Variants in IGSF11 observed in about 807,000 individuals in gnomAD.
IGSF11 encodes immunoglobulin superfamily member 11.
In IGSF11, 22 loss-of-function variants were observed where a neutral mutation model predicts 41.0. That is an observed-to-expected ratio of 0.54 (90% CI 0.38 to 0.77). IGSF11 has a LOEUF of 0.77. Among genes scored for constraint, IGSF11 ranks in the 30% least tolerant of loss-of-function variants. The pLI, the probability that IGSF11 is intolerant of heterozygous loss-of-function variation, is 0.00. For missense variants in IGSF11, 444 were observed against 530.8 expected, an observed-to-expected ratio of 0.84 and a Z score of 1.61; for synonymous variants, 219 against 201.3, an observed-to-expected ratio of 1.09 and a Z score of -0.74.
chr3:118,978,237 CCTG>C (rs996181533), intron 1 of IGSF11, among the ~76,000 whole-genome samples: 1 of 152,168 alleles, frequency 6.6e-6, no homozygotes, highest in African/African-American at 2.4e-5. Context: ...GTCCACTCAA[CCTG>C]CTATTACCAC....
intron 1 of IGSF11, among the ~76,000 whole-genome samples, chr3:119,118,579 T>G (rs796368471): frequency 2.6e-5 from 4 of 152,366 alleles, no homozygotes; most frequent in African/African-American, 9.6e-5. Flanking sequence ...GTCTCTGACA[T>G]GCCCTGGAGA....
chr3:118,905,020 TA>T (rs1939401606), intron 5 of IGSF11, among the ~76,000 whole-genome samples: 1 of 152,148 alleles, frequency 6.6e-6, no homozygotes, highest in East Asian at 1.9e-4. Flanking sequence ...TTTGAATGAA[TA>T]AACAATTAAA....
chr3:119,003,977 T>A (rs1315046060), intron 1 of IGSF11, among the ~76,000 whole-genome samples: 1 of 151,680 alleles, frequency 6.6e-6, no homozygotes, highest in Admixed American at 6.6e-5. Flanking sequence ...GTTGGCCTCA[T>A]AAAATGAGTT....
rs533218790 is a variant in IGSF11, at chr3:118,980,332, C to A, written c.53-50057G>T. Among the ~76,000 whole-genome samples the A allele has an allele frequency of 6.0e-4, 92 of 152,282 alleles. 1 individual carries two copies. In the South Asian group the frequency reaches 0.018, roughly 31 times the overall value. On this transcript the variant is annotated intron_variant, in intron 1 of 6. Coordinates refer to ENST00000393775, the MANE Select transcript of IGSF11 (RefSeq NM_001015887.3). ...TATTTTATATTTATACAATGGAAAT[C>A]TATTGACCATAAAAACAAAGGAAAT...
intron 1 of IGSF11, among the ~76,000 whole-genome samples, chr3:119,004,446 G>T (rs1373236195): frequency 6.6e-6 from 1 of 151,552 alleles, no homozygotes; most frequent in African/African-American, 2.4e-5. Flanking sequence ...GAAGGGTTTT[G>T]TGTGTCACTA....
intron 1 of IGSF11, among the ~76,000 whole-genome samples, chr3:118,976,560 C>A (rs957371853): frequency 6.6e-6 from 1 of 152,116 alleles, no homozygotes; most frequent in Non-Finnish European, 1.5e-5. Context: ...GCTGCTACAG[C>A]GAGTACAGGA....
intron 1 of IGSF11, chr3:118,943,170 C>T (rs1943838048): frequency 6.6e-6 from 1 of 152,162 alleles, no homozygotes; most frequent in Non-Finnish European, 1.5e-5. Flanking sequence ...GAGGGGTCCT[C>T]CCAGCATTGT....
intron 1 of IGSF11, among the ~76,000 whole-genome samples, chr3:119,092,084 T>C (rs931267691): frequency 4.0e-5 from 6 of 151,602 alleles, no homozygotes; most frequent in African/African-American, 1.5e-4. Context: ...CAATCTCGGC[T>C]CACTGAAACC....
At position 119,034,735 on chromosome 3, in the gene IGSF11, C is replaced by T. The variant is rs1476655467; in HGVS notation, c.-153G>A. 1.5e-6 allele frequency: 2 copies of T among 1,339,730 alleles called. No individual in the cohort carries two copies. Among genetic ancestry groups the T allele is most frequent in the African/African-American group, 3.1e-5 (2 of 65,314 alleles). 83.0% of individuals were successfully genotyped at this position (1,339,730 alleles called of 1,614,324 possible). On this transcript the variant is annotated 5_prime_UTR_variant, in exon 1 of 7. Coordinates refer to ENST00000393775, the MANE Select transcript of IGSF11 (RefSeq NM_001015887.3). ...CCCGCGCAGAGCTGGGACTGTCAGA[C>T]CCACAGACGAGCCAAGTGCAGCTGC...
intron 1 of IGSF11, among the ~76,000 whole-genome samples, chr3:118,995,728 C>A (rs981873438): frequency 1.3e-5 from 2 of 152,268 alleles, no homozygotes; most frequent in East Asian, 3.9e-4. Flanking sequence ...TCTCAGCTCA[C>A]TGAAACCTCC....
intron 1 of IGSF11, among the ~76,000 whole-genome samples, chr3:118,983,007 G>T (rs937067039): frequency 1.3e-5 from 2 of 152,136 alleles, no homozygotes; most frequent in African/African-American, 2.4e-5. Flanking sequence ...AGTCATAAAT[G>T]ACACATATCA....
intron 1 of IGSF11, among the ~76,000 whole-genome samples, chr3:119,021,841 T>C (rs1279018010): frequency 6.6e-6 from 1 of 152,068 alleles, no homozygotes; most frequent in East Asian, 1.9e-4. Context: ...ATGAATCAAT[T>C]AAGAACTTCT....
At chr3:118,910,490 T>C (rs1177523240) in intron 4 of IGSF11, among the ~76,000 whole-genome samples, 1 of 152,222 alleles carries the variant, frequency 6.6e-6, no homozygotes, top group African/African-American at 2.4e-5. Flanking sequence ...GTTCAGGTCC[T>C]TGTCATTTCT....
chr3:119,101,808 A>G (rs1334762841), intron 1 of IGSF11, among the ~76,000 whole-genome samples: 1 of 152,218 alleles, frequency 6.6e-6, no homozygotes. Context: ...GACGGTATCT[A>G]TTGACTCCAC....
rs867889503 is a variant in IGSF11, at chr3:118,926,164, G to A, written c.517C>T (p.Arg173Ter). 2.5e-6 allele frequency: 4 copies of A among 1,612,212 alleles called. No homozygotes were observed. Among genetic ancestry groups the A allele is most frequent in the South Asian group, 1.1e-5 (1 of 90,800 alleles). The change falls in exon 4 of 7, where the codon CGA becomes TGA. Residue 173 changes from arginine to a stop codon, truncating the protein, a stop_gained. Coordinates refer to ENST00000393775, the MANE Select transcript of IGSF11 (RefSeq NM_001015887.3). LOFTEE classifies it high-confidence loss of function. ...AACTTCTCCCAAAGGTAAGTTGGTC[G>A]AGGAATGCCTTCCTCTGAGCTACAG... ...LLCSSEEGIPRPTYLWEKLDN... is the reference protein window; with the variant it reads ...LLCSSEEGIP
chr3:119,057,245 T>C (rs573746990), intron 1 of IGSF11, among the ~76,000 whole-genome samples: 1 of 152,210 alleles, frequency 6.6e-6, no homozygotes, highest in Non-Finnish European at 1.5e-5. Flanking sequence ...GCCCAAAATC[T>C]CCTTAAGCTC....
chr3:119,111,862 A>G (rs1015227254), intron 1 of IGSF11, among the ~76,000 whole-genome samples: 1 of 152,122 alleles, frequency 6.6e-6, no homozygotes, highest in African/African-American at 2.4e-5. Context: ...TCCACTCCAG[A>G]CCCTGTTTGC....
intron 1 of IGSF11, among the ~76,000 whole-genome samples, chr3:118,936,485 C>T (rs58521606): frequency 0.18 from 25,666 of 145,412 alleles, 3,213 homozygotes; most frequent in African/African-American, 0.36. Context: ...CCAACCTGGG[C>T]GACAAAGTGA....
intron 1 of IGSF11, among the ~76,000 whole-genome samples, chr3:119,045,754 T>A (rs1477874752): frequency 6.6e-6 from 1 of 151,868 alleles, no homozygotes; most frequent in Non-Finnish European, 1.5e-5. Context: ...GTCTGACAGC[T>A]TTGAAGAGAG....
Sources: gnomAD v4.1 joint callset for allele counts (sites outside exome capture counted in the v4.1 genomes callset) on GRCh38, gnomAD v4.1.1 for gene constraint, MANE v1.5 for transcripts, NCBI Gene and HGNC (gene_info 2026-07-23, HGNC 2026-07-21) for gene names.